The following IFI44 variants were observed in gnomAD, a reference collection of about 807,000 sequenced individuals.
IFI44 encodes interferon induced protein 44.
A neutral mutation model predicts 45.0 loss-of-function variants in IFI44; 42 were observed. The ratio of observed to expected loss-of-function variants is 0.93; its 90% CI spans 0.73 to 1.21. IFI44 has a LOEUF of 1.21. IFI44 is among the 50% of genes most tolerant of loss of function. IFI44 has a pLI of 0.00. For missense variants in IFI44, 623 were observed against 525.8 expected, an observed-to-expected ratio of 1.18 and a Z score of -1.81; for synonymous variants, 221 against 188.6, an observed-to-expected ratio of 1.17 and a Z score of -1.41.
chr1:78,653,026 C>T (rs1647148376), intron 2 of IFI44, among the ~76,000 whole-genome samples: 1 of 151,992 alleles, frequency 6.6e-6, no homozygotes, highest in South Asian at 2.1e-4. Flanking sequence ...GGTGATATGA[C>T]ATTTAGCAAA....
intron 7 of IFI44, among the ~76,000 whole-genome samples, chr1:78,661,292 G>A (rs538363886): frequency 9.2e-5 from 14 of 152,188 alleles, no homozygotes; most frequent in Non-Finnish European, 2.1e-4. Flanking sequence ...TCAAACTCCT[G>A]ACCTCAGGTG....
chr1:78,659,967 G>T (rs755424034), intron 6 of IFI44, among the ~76,000 whole-genome samples: 3 of 152,194 alleles, frequency 2.0e-5, no homozygotes, highest in Admixed American at 6.5e-5. Flanking sequence ...TTTAGGGTGA[G>T]CCATTCTGGC....
At position 78,655,215 on chromosome 1, in the gene IFI44, C is replaced by T. The variant is rs1268145092; in HGVS notation, c.690+6C>T. Reference sequence around the variant, plus strand: ...CAACTGGGATATCTGAGAAGGTAAGCACATTTGAGGCCACCTAGCCTTTGC... The same window carrying T: ...CAACTGGGATATCTGAGAAGGTAAGTACATTTGAGGCCACCTAGCCTTTGC... On this transcript the variant is annotated splice_donor_region_variant and intron_variant, in intron 4 of 8. Transcript: ENST00000370747. 1 of 1,611,366 alleles carries T rather than the reference C, an allele frequency of 6.2e-7. No individual in the cohort carries two copies. Among genetic ancestry groups the T allele is most frequent in the East Asian group, 2.2e-5 (1 of 44,814 alleles).
chr1:78,654,374 C>T, intron 3 of IFI44, 95 bp downstream of exon 3: 1 of 676,894 alleles, frequency 1.5e-6, no homozygotes, highest in Non-Finnish European at 2.6e-6. Context: ...CACATATTAT[C>T]ACACATAACT....
Position 78,663,186 on chromosome 1 carries a change from C to T in IFI44, c.1288+308C>T, listed in dbSNP as rs1647569229. On this transcript the variant is annotated intron_variant, in intron 8 of 8. Transcript: ENST00000370747. ...AAGCTGTATCCCTGGCCTCTTTTCT[C>T]AGACTATGTTTCTTTACTTGGGACC... 6.1e-6 allele frequency: 6 copies of T among 985,188 alleles called. No homozygotes were observed. The South Asian group carries it at 2.8e-4, about 46-fold the overall frequency. The allele number at this position is 985,188 out of a possible 1,614,324, so 61.0% of individuals were successfully genotyped here.
intron 5 of IFI44, 96 bp from the exon 6 acceptor site, chr1:78,659,216 T>G: frequency 1.0e-6 from 1 of 985,900 alleles, no homozygotes. Context: ...TTTTCTGTTT[T>G]GTTTACCATT....
rs192302495 is a variant in IFI44, at chr1:78,663,986, T to A, written c.*175T>A. ...TTGTAAATAACTAGAAATAACATGA[T>A]TTAGTCATAATTGTGAAAAATAATA... is the stretch of plus-strand genomic sequence containing the variant. On this transcript the variant is annotated 3_prime_UTR_variant, in exon 9 of 9. Coordinates refer to ENST00000370747, the MANE Select transcript of IFI44 (RefSeq NM_006417.5). 1 of 440,022 alleles carries A rather than the reference T, an allele frequency of 2.3e-6. No individual in the cohort carries two copies. The highest frequency in any genetic ancestry group is 4.1e-5 in the Admixed American group (1 of 24,506). 27.3% of individuals were successfully genotyped at this position (440,022 alleles called of 1,614,324 possible).
chr1:78,658,764 A>G (rs1647291877), intron 5 of IFI44, among the ~76,000 whole-genome samples: 1 of 152,172 alleles, frequency 6.6e-6, no homozygotes, highest in Non-Finnish European at 1.5e-5. Flanking sequence ...GTAGAAAACT[A>G]TGTTATATTG....
Position 78,654,225 on chromosome 1 carries a change from CT to C in IFI44, c.458-15del. 1.4e-6 allele frequency: 2 copies of C among 1,395,376 alleles called. No homozygotes were observed. Among genetic ancestry groups the C allele is most frequent in the South Asian group, 1.2e-5 (1 of 85,608 alleles). 86.4% of individuals were successfully genotyped at this position (1,395,376 alleles called of 1,614,324 possible). Reference sequence around the variant, plus strand: ...TCGACAACTTCTAATCTACATTATTCTTTGATTATTTCCCCAGATTCACTGG... The same window carrying C: ...TCGACAACTTCTAATCTACATTATTCTTGATTATTTCCCCAGATTCACTGG... On this transcript the variant is annotated splice_polypyrimidine_tract_variant and intron_variant, in intron 2 of 8. Coordinates refer to ENST00000370747, the MANE Select transcript of IFI44 (RefSeq NM_006417.5).
At chr1:78,651,462 G>T (rs1046980501) in intron 2 of IFI44, among the ~76,000 whole-genome samples, 2 of 152,166 alleles carry the variant, frequency 1.3e-5, no homozygotes, top group East Asian at 3.9e-4. Context: ...GCTGTAATAT[G>T]AGCAATGGGG....
chr1:78,661,375 T>C (rs1312657066), intron 7 of IFI44, among the ~76,000 whole-genome samples: 1 of 151,944 alleles, frequency 6.6e-6, no homozygotes, highest in Non-Finnish European at 1.5e-5. Context: ...TTTTTTTCAA[T>C]TTTTTTTGAG....
intron 2 of IFI44, among the ~76,000 whole-genome samples, chr1:78,653,991 G>A (rs1046341438): frequency 5.3e-5 from 8 of 152,160 alleles, no homozygotes; most frequent in Admixed American, 1.3e-4. Flanking sequence ...TTGAGTAATT[G>A]AATGAGAAGA....
At chr1:78,655,631 T>A in intron 5 of IFI44, 120 bp downstream of exon 5, 1 of 929,398 alleles carries the variant, frequency 1.1e-6, no homozygotes, top group Non-Finnish European at 1.5e-6. Flanking sequence ...CTTTTAGATT[T>A]TTTTTTTCAA....
At chr1:78,657,936 A>G (rs1040619330) in intron 5 of IFI44, among the ~76,000 whole-genome samples, 5 of 151,970 alleles carry the variant, frequency 3.3e-5, no homozygotes, top group African/African-American at 1.2e-4. Context: ...TCTTTTTTAT[A>G]TTCTTTTATT....
At position 78,655,452 on chromosome 1, in the gene IFI44, G is replaced by C. The variant is rs769794841; in HGVS notation, c.781G>C (p.Gly261Arg). Residue 261 changes from glycine (G) to arginine (R), a missense_variant, in exon 5 of 9, where the codon GGC (glycine) becomes CGC (arginine). Transcript: ENST00000370747. ...DSLGLSEKEG[G>R]LCRDDIFYIL... ...ACTGGGGCTGAGTGAGAAAGAAGGC[G>C]GCCTGTGCAGGGATGACATATTCTA... is the stretch of plus-strand genomic sequence containing the variant. 6.2e-7 allele frequency: 1 copy of C among 1,613,830 alleles called. No homozygotes were observed. Among genetic ancestry groups the C allele is most frequent in the South Asian group, 1.1e-5 (1 of 91,072 alleles).
At chr1:78,662,286 G>T (rs1557706913) in intron 7 of IFI44, among the ~76,000 whole-genome samples, 1 of 152,162 alleles carries the variant, frequency 6.6e-6, no homozygotes, top group African/African-American at 2.4e-5. Flanking sequence ...ATCTGCCAAC[G>T]TTTATTGACA....
intron 7 of IFI44, among the ~76,000 whole-genome samples, chr1:78,662,415 GT>G (rs1008200590): frequency 6.6e-6 from 1 of 152,128 alleles, no homozygotes; most frequent in South Asian, 2.1e-4. Flanking sequence ...TCCAGAGAAT[GT>G]TTTTTAAAAG....
Position 78,650,466 on chromosome 1 carries a change from A to G in IFI44, c.271A>G (p.Lys91Glu). 1 of 1,614,108 alleles carries G rather than the reference A, an allele frequency of 6.2e-7. No individual in the cohort carries two copies. The highest frequency in any genetic ancestry group is 1.3e-5 in the African/African-American group (1 of 75,062). The change falls in exon 2 of 9, where the codon AAA becomes GAA. Residue 91 changes from lysine to glutamate, a missense_variant. By Grantham distance (56) the Lys-to-Glu change is moderately conservative. Transcript: ENST00000370747. Reference protein sequence around the residue: ...ALQDTKISEWKLGLCTPETLF... With the variant: ...ALQDTKISEWELGLCTPETLF... ...TCAAGATACTAAAATTTCAGAATGG[A>G]AACTAGGACTATGTACACCAGAAAC...
intron 7 of IFI44, among the ~76,000 whole-genome samples, chr1:78,661,062 A>AT (rs1647422749): frequency 6.6e-6 from 1 of 152,046 alleles, no homozygotes; most frequent in African/African-American, 2.4e-5. Context: ...CAGATGAAAT[A>AT]TTTTTTCAAA....
Sources: gnomAD v4.1 joint callset for allele counts (sites outside exome capture counted in the v4.1 genomes callset) on GRCh38, gnomAD v4.1.1 for gene constraint, MANE v1.5 for transcripts, NCBI Gene and HGNC (gene_info 2026-07-23, HGNC 2026-07-21) for gene names.